Variants in FKBP5 observed in about 807,000 individuals in gnomAD.
FKBP5 encodes the protein FKBP prolyl isomerase 5.
A neutral mutation model predicts 50.5 loss-of-function variants in FKBP5; 23 were observed. The ratio of observed to expected loss-of-function variants is 0.46; its 90% CI spans 0.33 to 0.65. The LOEUF (loss-of-function observed/expected upper bound fraction) is 0.65, where lower values mean the gene tolerates loss of function less well. Among genes scored for constraint, FKBP5 ranks in the 30% least tolerant of loss-of-function variants. The probability of loss-of-function intolerance (pLI) is 0.02; values close to 1 mark genes in which losing one functional copy is unlikely to be tolerated. For missense variants in FKBP5, 411 were observed against 553.1 expected (o/e 0.74, Z 2.58); for synonymous variants, 176 against 190.6 (o/e 0.92, Z 0.63).
upstream of FKBP5, among the ~76,000 whole-genome samples, chr6:35,691,069 C>T (rs974438915): frequency 6.6e-6 from 1 of 152,060 alleles, no homozygotes; most frequent in African/African-American, 2.4e-5. Context: ...ATATTAAGCT[C>T]TATGCTATCA....
At chr6:35,620,989 CA>C (rs773187843) in intron 3 of FKBP5, among the ~76,000 whole-genome samples, 1 of 150,774 alleles carries the variant, frequency 6.6e-6, no homozygotes, top group African/African-American at 2.4e-5. Flanking sequence ...GTTGGGTAGA[CA>C]AAAAAAACAA....
intron 8 of FKBP5, chr6:35,585,654 T>C: frequency 1.1e-6 from 1 of 916,172 alleles, no homozygotes. Context: ...CATATTTATA[T>C]ATTTATACTT....
Position 35,659,278 on chromosome 6 carries a change from G to A in FKBP5, c.-19-16435C>T. ...TTTTTTTTTTTCGAGACTGAGTTTC[G>A]CTCCTGTTGCCTAGGCTGGAGTGCT... On this transcript the variant is annotated intron_variant, in intron 1 of 10. Coordinates refer to ENST00000357266, the MANE Select transcript of FKBP5 (RefSeq NM_004117.4). Among the ~76,000 whole-genome samples, 2 of 74,420 alleles carry A rather than the reference G, an allele frequency of 2.7e-5. 1 individual carries two copies. Among genetic ancestry groups the A allele is most frequent in the Non-Finnish European group, 6.0e-5 (2 of 33,584 alleles). The allele number at this position is 74,420 out of a possible 152,430, so 48.8% of individuals were successfully genotyped here. A position where few individuals can be genotyped will look rare whatever the true frequency, so the allele number is the denominator to read the frequency against.
chr6:35,605,722 A>G (rs1763293537), intron 5 of FKBP5, among the ~76,000 whole-genome samples: 1 of 152,034 alleles, frequency 6.6e-6, no homozygotes, highest in Admixed American at 6.6e-5. Context: ...GAACGGGCAA[A>G]AGTTGGAAGC....
chr6:35,683,118 ATATGTGTGTGTGTGTG>A (rs1403418554), intron 1 of FKBP5, among the ~76,000 whole-genome samples: 1,865 of 108,826 alleles, frequency 0.017, 60 homozygotes, highest in Middle Eastern at 0.032. Flanking sequence ...ATATATACGT[ATATGTGTGTGTGTGTG>A]TGTGTGTGTG....
intron 1 of FKBP5, among the ~76,000 whole-genome samples, chr6:35,655,127 G>A (rs1764913585): frequency 6.6e-6 from 1 of 152,060 alleles, no homozygotes; most frequent in Admixed American, 6.6e-5. Flanking sequence ...TTCAAGACCA[G>A]CCTGGCCAAC....
intron 1 of FKBP5, among the ~76,000 whole-genome samples, chr6:35,663,952 T>C (rs1352047639): frequency 6.6e-6 from 1 of 152,224 alleles, no homozygotes; most frequent in African/African-American, 2.4e-5. Context: ...ACAGCAAATC[T>C]AATGGACGAG....
chr6:35,715,146 C>T (rs1447388752), intron 2 of FKBP5, among the ~76,000 whole-genome samples: 7 of 152,158 alleles, frequency 4.6e-5, no homozygotes, highest in East Asian at 3.9e-4. Flanking sequence ...GTGATCCACC[C>T]GCCTTGGCCT....
intron 5 of FKBP5, among the ~76,000 whole-genome samples, chr6:35,598,096 T>A (rs1395562189): frequency 6.6e-6 from 1 of 152,196 alleles, no homozygotes; most frequent in Non-Finnish European, 1.5e-5. Flanking sequence ...TTGGGAGGCC[T>A]AATTCCCCGT....
intron 1 of FKBP5, among the ~76,000 whole-genome samples, chr6:35,646,627 A>G (rs1445169592): frequency 2.0e-5 from 3 of 152,230 alleles, no homozygotes; most frequent in Non-Finnish European, 4.4e-5. Context: ...AGACAGTTTC[A>G]CCATTTTTAT....
chr6:35,632,207 AC>A, intron 3 of FKBP5, among the ~76,000 whole-genome samples: 1 of 152,254 alleles, frequency 6.6e-6, no homozygotes, highest in South Asian at 2.1e-4. Context: ...TCACCTCTTC[AC>A]TCTAATTTCT....
chr6:35,575,643 G>C lies in FKBP5; in HGVS notation c.*192C>G, dbSNP rs1247188661. The C allele has an allele frequency of 1.7e-6, 1 of 579,654 alleles. No homozygotes were observed. Among genetic ancestry groups the C allele is most frequent in the African/African-American group, 1.9e-5 (1 of 53,462 alleles). 35.9% of individuals were successfully genotyped at this position (579,654 alleles called of 1,614,324 possible). A position where few individuals can be genotyped will look rare whatever the true frequency, so the allele number is the denominator to read the frequency against. On this transcript the variant is annotated 3_prime_UTR_variant, in exon 11 of 11. Transcript: ENST00000357266. ...TTTGTTCCACCTGGAGTGGTCCCGT[G>C]CCACCCCTCAGTGAACCCTCCGGGC...
intron 2 of FKBP5, among the ~76,000 whole-genome samples, chr6:35,701,268 G>T (rs1766181784): frequency 1.3e-5 from 2 of 148,190 alleles, no homozygotes; most frequent in South Asian, 2.1e-4. Context: ...TTTTGAGACG[G>T]AGTCTCGCTC....
chr6:35,695,254 C>G (rs1029552684), intron 2 of FKBP5, among the ~76,000 whole-genome samples: 1 of 152,216 alleles, frequency 6.6e-6, no homozygotes, highest in Non-Finnish European at 1.5e-5. Flanking sequence ...ACCTCCGCCT[C>G]CTGGGTTCAA....
At chr6:35,631,954 C>CAAA (rs763457961) in intron 3 of FKBP5, among the ~76,000 whole-genome samples, 1,416 of 63,688 alleles carry the variant, frequency 0.022, 10 homozygotes, top group Middle Eastern at 0.036. Context: ...GACTCTGTCT[C>CAAA]AAAAAAAAAA....
chr6:35,582,406 G>T (rs759754773), intron 8 of FKBP5: 1 of 615,056 alleles, frequency 1.6e-6, no homozygotes, highest in Non-Finnish European at 2.0e-6. Flanking sequence ...GTTAGATGTG[G>T]TCATGAGGGT....
intron 9 of FKBP5, among the ~76,000 whole-genome samples, chr6:35,578,888 C>T (rs1762321223): frequency 6.6e-6 from 1 of 152,032 alleles, no homozygotes; most frequent in Admixed American, 6.6e-5. Context: ...GTAGTCAAGG[C>T]TGTGCTGGGT....
At chr6:35,636,233 C>T (rs1764306332) in intron 3 of FKBP5, among the ~76,000 whole-genome samples, 1 of 152,204 alleles carries the variant, frequency 6.6e-6, no homozygotes, top group Non-Finnish European at 1.5e-5. Context: ...CCCACAGTGG[C>T]AAATAAGCCC....
chr6:35,714,398 G>A (rs996946837), intron 2 of FKBP5, among the ~76,000 whole-genome samples: 1 of 137,468 alleles, frequency 7.3e-6, no homozygotes, highest in Non-Finnish European at 1.5e-5. Context: ...GTTGCAGTGA[G>A]CCGAGATGGA....
Sources: gnomAD v4.1 joint callset for allele counts (sites outside exome capture counted in the v4.1 genomes callset) on GRCh38, gnomAD v4.1.1 for gene constraint, MANE v1.5 for transcripts, NCBI Gene and HGNC (gene_info 2026-07-23, HGNC 2026-07-21) for gene names.